Variants in AGFG2 observed in about 807,000 individuals in gnomAD.
AGFG2 encodes the protein ArfGAP with FG repeats 2, also known as arf-GAP domain and FG repeat-containing protein 2.
Under a neutral mutation model 48.0 loss-of-function variants are expected in AGFG2, and 31 were observed. That is an observed-to-expected ratio of 0.65 (90% CI 0.49 to 0.87). The LOEUF is 0.87. AGFG2 is among the 40% of genes least tolerant of loss of function. AGFG2 has a pLI of 0.00. For missense variants in AGFG2, 599 were observed against 632.6 expected (o/e 0.95, Z 0.57); for synonymous variants, 229 against 260.8 (o/e 0.88, Z 1.18).
At chr7:100,554,937 CAAAAAAAAAA>C (rs749887106) in intron 5 of AGFG2, among the ~76,000 whole-genome samples, 1 of 57,578 alleles carries the variant, frequency 1.7e-5, no homozygotes, top group African/African-American at 6.4e-5. Context: ...GACTCCGTCT[CAAAAAAAAAA>C]AAAAAAAAAA....
chr7:100,560,909 T>C (rs1800856619), intron 6 of AGFG2, among the ~76,000 whole-genome samples: 2 of 150,108 alleles, frequency 1.3e-5, no homozygotes, highest in South Asian at 4.2e-4. Flanking sequence ...CCTCCCGGGT[T>C]CACGCCATTC....
chr7:100,546,291 A>G (rs912479930), intron 1 of AGFG2, among the ~76,000 whole-genome samples: 1 of 151,922 alleles, frequency 6.6e-6, no homozygotes. Flanking sequence ...ACAAGGAAGC[A>G]TACCTCCCTG....
intron 3 of AGFG2, among the ~76,000 whole-genome samples, chr7:100,551,868 A>G (rs1800652752): frequency 7.4e-6 from 1 of 134,286 alleles, no homozygotes; most frequent in Admixed American, 7.3e-5. Flanking sequence ...GCCTGGGCAA[A>G]GAGAGAGAGA....
At chr7:100,556,099 G>C (rs1800754181) in intron 6 of AGFG2, 1 of 209,504 alleles carries the variant, frequency 4.8e-6, no homozygotes, top group Admixed American at 5.0e-5. Context: ...AAAGGGTCAA[G>C]GGTCAAGGTA....
At position 100,550,465 on chromosome 7, in the gene AGFG2, C is replaced by G. The variant is rs2131108664; in HGVS notation, c.385C>G (p.Gln129Glu). Residue 129 changes from glutamine (Q) to glutamate (E), a missense_variant, in exon 3 of 12, where the codon CAG becomes GAG. Physicochemically the swap from Gln to Glu is conservative, Grantham distance 29. Transcript: ENST00000300176. ...TSLVPDSRDP[Q>E]KVKEFLQEKY... ...TTTAGTACCAGATTCCAGGGATCCTCAGAAAGTGAAGGAGTTTCTCCAGGA... is the reference window on the plus strand; with the variant it reads ...TTTAGTACCAGATTCCAGGGATCCTGAGAAAGTGAAGGAGTTTCTCCAGGA... 2 of 1,614,082 alleles carry G rather than the reference C, an allele frequency of 1.2e-6. No homozygotes were observed. The highest frequency in any genetic ancestry group is 1.6e-4 in the Middle Eastern group (1 of 6,062).
chr7:100,564,444 G>A, intron 11 of AGFG2, 141 bp downstream of exon 11: 1 of 843,782 alleles, frequency 1.2e-6, no homozygotes, highest in Non-Finnish European at 1.8e-6. Context: ...GGCTGAGCTT[G>A]GGCCTCAGCT....
chr7:100,554,088 C>T lies in AGFG2; in HGVS notation c.586-5C>T, dbSNP rs779835238. On this transcript the variant is annotated splice_region_variant and splice_polypyrimidine_tract_variant and intron_variant, in intron 4 of 11. Transcript: ENST00000300176. ...AAGGGCTGTATGCATTCCTTCTCCT[C>T]CAAGCCCGTCAGTCAGTCTCACGCT... is the stretch of plus-strand genomic sequence containing the variant. The T allele has an allele frequency of 3.1e-6, 5 of 1,611,634 alleles. No homozygotes were observed. In the East Asian group the frequency reaches 8.9e-5, roughly 29 times the overall value.
chr7:100,546,684 T>C (rs773885484), intron 1 of AGFG2, among the ~76,000 whole-genome samples: 3 of 152,142 alleles, frequency 2.0e-5, no homozygotes, highest in African/African-American at 4.8e-5. Context: ...ACAGGGACAA[T>C]GAGGTCTGGC....
intron 3 of AGFG2, among the ~76,000 whole-genome samples, chr7:100,551,366 C>G (rs946870780): frequency 3.3e-5 from 5 of 151,194 alleles, no homozygotes; most frequent in Non-Finnish European, 7.4e-5. Flanking sequence ...CTGCGCCCGG[C>G]CTTAATTTTT....
At chr7:100,547,991 T>A (rs944814970) in intron 1 of AGFG2, among the ~76,000 whole-genome samples, 3 of 152,212 alleles carry the variant, frequency 2.0e-5, no homozygotes, top group African/African-American at 7.2e-5. Flanking sequence ...GTTAGTGTTA[T>A]CAAGAATAGT....
At chr7:100,547,620 A>T (rs898778708) in intron 1 of AGFG2, among the ~76,000 whole-genome samples, 2 of 151,976 alleles carry the variant, frequency 1.3e-5, no homozygotes, top group Non-Finnish European at 2.9e-5. Context: ...GTATTAGAAC[A>T]CTCCTGAGAC....
rs1800905059 is a variant in AGFG2 at position 100,562,706 on chromosome 7, A to AG, written c.1087+28dup. ...AGGTGAGTCCTGCCTGTGGAGACCC[A>AG]GGGGAGGGGACCTGAGGCCAGGAGG... On this transcript the variant is annotated intron_variant, in intron 8 of 11. Coordinates refer to ENST00000300176, the MANE Select transcript of AGFG2 (RefSeq NM_006076.5). This position sits in a 1 kb window ranked among gnomAD's most constrained non-coding sequence, Gnocchi z 5.4. The AG allele has an allele frequency of 1.3e-6, 2 of 1,599,928 alleles. No individual in the cohort carries two copies. Among genetic ancestry groups the AG allele is most frequent in the Non-Finnish European group, 1.7e-6 (2 of 1,175,434 alleles).
intron 1 of AGFG2, among the ~76,000 whole-genome samples, chr7:100,548,554 C>T (rs952895317): frequency 6.6e-6 from 1 of 152,132 alleles, no homozygotes; most frequent in Non-Finnish European, 1.5e-5. Flanking sequence ...CTCAAGTGAG[C>T]TGCCTGCCTC....
rs773875205 is a variant in AGFG2 at position 100,550,393 on chromosome 7, T to C, written c.316-3T>C. 45 of 1,610,924 alleles carry C rather than the reference T, an allele frequency of 2.8e-5. 1 individual carries two copies. Among genetic ancestry groups the C allele is most frequent in the East Asian group, 2.2e-5 (1 of 44,870 alleles). On this transcript the variant is annotated splice_polypyrimidine_tract_variant and splice_region_variant and intron_variant, in intron 2 of 11. Coordinates refer to ENST00000300176, the MANE Select transcript of AGFG2 (RefSeq NM_006076.5). ...CACTCCTCTGACACCTTCATTCTTT[T>C]AGGTTTGCCGGAAGATTTGGTTGGG...
At position 100,564,948 on chromosome 7, in the gene AGFG2, G is replaced by T. The variant is rs1375038337; in HGVS notation, c.1403G>T (p.Ser468Ile). ...TNPFMTGPSS[S>I]PFASKPPTTN... ...TCTTTCCAGACTGGACCCTCATCAAGCCCATTCGCCTCCAAACCTCCAACC... is the reference window on the plus strand; with the variant it reads ...TCTTTCCAGACTGGACCCTCATCAATCCCATTCGCCTCCAAACCTCCAACC... Residue 468 changes from serine (S) to isoleucine (I), a missense_variant, in exon 12 of 12, where the codon AGC (serine) becomes ATC (isoleucine). By Grantham distance (142) the Ser-to-Ile change is moderately radical. Transcript: ENST00000300176. 6.2e-7 allele frequency: 1 copy of T among 1,614,084 alleles called. No homozygotes were observed. Among genetic ancestry groups the T allele is most frequent in the South Asian group, 1.1e-5 (1 of 91,082 alleles).
intron 6 of AGFG2, among the ~76,000 whole-genome samples, chr7:100,556,981 T>C (rs1800771532): frequency 6.6e-6 from 1 of 152,194 alleles, no homozygotes; most frequent in Non-Finnish European, 1.5e-5. Context: ...GCAGATCACC[T>C]GAGGTCAGGA....
intron 5 of AGFG2, 76 bp downstream of exon 5, chr7:100,554,334 A>G: frequency 6.7e-7 from 1 of 1,502,070 alleles, no homozygotes. Context: ...CCTGGAGGTA[A>G]CCATGGCTCT....
chr7:100,561,745 G>A (rs1472816501), intron 6 of AGFG2, among the ~76,000 whole-genome samples: 2 of 152,360 alleles, frequency 1.3e-5, no homozygotes, highest in East Asian at 1.9e-4. Flanking sequence ...GCACTGGGGC[G>A]GCCTCCCGAG....
At chr7:100,553,943 C>A in intron 4 of AGFG2, 150 bp from the exon 5 acceptor site, 1 of 918,184 alleles carries the variant, frequency 1.1e-6, no homozygotes, top group Non-Finnish European at 1.6e-6. Flanking sequence ...GGGGCTAAGG[C>A]AGCTCCTGCC....
Sources: allele counts gnomAD v4.1 joint callset (sites outside exome capture counted in the v4.1 genomes callset), GRCh38; gene constraint gnomAD v4.1.1; non-coding constraint Gnocchi (gnomAD v3.1); transcripts MANE v1.5; gene names NCBI Gene and HGNC (gene_info 2026-07-23, HGNC 2026-07-21).